Variants in RTEL1 observed in about 807,000 individuals in gnomAD.
RTEL1 encodes regulator of telomere elongation helicase 1, also known as regulator of telomere length.
Under a neutral mutation model 162.2 loss-of-function variants are expected in RTEL1, and 86 were observed. The observed-to-expected ratio is 0.53, with a 90% CI of 0.45 to 0.63. RTEL1 has a LOEUF of 0.63. Among genes scored for constraint, RTEL1 ranks in the 30% least tolerant of loss-of-function variants. The probability of loss-of-function intolerance (pLI) is 0.00; values close to 1 mark genes in which losing one functional copy is unlikely to be tolerated. For missense variants in RTEL1, 1,941 were observed against 1,750.2 expected, an observed-to-expected ratio of 1.11 and a Z score of -1.95; for synonymous variants, 958 against 717.9, an observed-to-expected ratio of 1.33 and a Z score of -5.35.
At chr20:63,669,152 G>A (rs1163213769) in intron 8 of RTEL1, among the ~76,000 whole-genome samples, 1 of 152,174 alleles carries the variant, frequency 6.6e-6, no homozygotes. Flanking sequence ...CTGGCCCTTG[G>A]TGATTGTTTT....
chr20:63,666,108 C>A (rs781338910), intron 7 of RTEL1, 29 bp downstream of exon 7: 1 of 1,585,422 alleles, frequency 6.3e-7, no homozygotes, highest in South Asian at 1.1e-5. Flanking sequence ...GCCACGACCA[C>A]TGTCCTTCCA....
At chr20:63,681,798 C>G in intron 14 of RTEL1, 2 of 985,372 alleles carry the variant, frequency 2.0e-6, no homozygotes, top group Non-Finnish European at 2.4e-6. Context: ...TGTGTCTTCT[C>G]TGTGCGGTAG....
At chr20:63,671,049 A>G (rs2090231316) in intron 8 of RTEL1, among the ~76,000 whole-genome samples, 1 of 152,088 alleles carries the variant, frequency 6.6e-6, no homozygotes, top group African/African-American at 2.4e-5. Flanking sequence ...AGGAGGACCT[A>G]CTGTTTTTTG....
Position 63,695,599 on chromosome 20 carries a change from CCCTG to C in RTEL1, c.3776_3779del (p.Ala1259ValfsTer104), listed in dbSNP as rs764058481. 1 of 1,611,964 alleles carries C rather than the reference CCCTG, an allele frequency of 6.2e-7. No homozygotes were observed. The highest frequency in any genetic ancestry group is 8.5e-7 in the Non-Finnish European group (1 of 1,179,906). ...CAGAGGACGTGGTGCCCTTCCAGTG[CCCTG>C]CCTGTGACTTCCAGCGCTGCCAAGC... On this transcript the variant is annotated frameshift_variant, in exon 34 of 35. Transcript: ENST00000360203. LOFTEE classifies it low-confidence loss of function (END_TRUNC).
rs778675789 is a variant in RTEL1, at chr20:63,672,619, G to A, written c.763G>A (p.Val255Met). 5.2e-5 allele frequency: 82 copies of A among 1,581,318 alleles called. No homozygotes were observed. Among genetic ancestry groups the A allele is most frequent in the Middle Eastern group, 1.7e-4 (1 of 6,036 alleles). ...TVVIFDEAHNVEKMCEESASF... is the reference protein window; with the variant it reads ...TVVIFDEAHNMEKMCEESASF... ...CGTGATCTTTGACGAAGCTCACAAC[G>A]TGGTGAGTCTCCGCTGGCCTCCTAA... Residue 255 changes from valine to methionine, a missense_variant and splice_region_variant, in exon 9 of 35, where the codon GTG becomes ATG. Val to Met is a conservative substitution (Grantham distance 21). Coordinates refer to ENST00000360203, the MANE Select transcript of RTEL1 (RefSeq NM_001283009.2).
chr20:63,662,183 G>A (rs2090033748), intron 4 of RTEL1, among the ~76,000 whole-genome samples: 1 of 152,198 alleles, frequency 6.6e-6, no homozygotes, highest in Non-Finnish European at 1.5e-5. Context: ...GGCGTCCTGA[G>A]CTCCTCGCAG....
chr20:63,685,725 A>G, intron 15 of RTEL1, 66 bp from the exon 16 acceptor site: 1 of 1,586,596 alleles, frequency 6.3e-7, no homozygotes, highest in South Asian at 1.1e-5. Context: ...TTCTGGTCCT[A>G]AAAGGTAAGG....
chr20:63,689,174 TC>T (rs1244975698), intron 22 of RTEL1, 42 bp downstream of exon 22: 1 of 1,577,644 alleles, frequency 6.3e-7, no homozygotes, highest in East Asian at 2.2e-5. Context: ...GGTTGCCTGT[TC>T]CCTGGTGGGT....
At chr20:63,660,550 C>T (rs1056260851) in intron 2 of RTEL1, 8 of 152,418 alleles carry the variant, frequency 5.2e-5, no homozygotes, top group African/African-American at 1.9e-4. Context: ...AAGGCTGGGG[C>T]AAAGTTACAG....
At chr20:63,669,609 C>T (rs2090207143) in intron 8 of RTEL1, among the ~76,000 whole-genome samples, 1 of 152,252 alleles carries the variant, frequency 6.6e-6, no homozygotes, top group Non-Finnish European at 1.5e-5. Flanking sequence ...AAACAACCCA[C>T]TTAACCACTG....
At position 63,688,042 on chromosome 20, in the gene RTEL1, T is replaced by A. The variant is rs2090636240; in HGVS notation, c.1587T>A (p.Phe529Leu). The A allele has an allele frequency of 4.3e-6, 7 of 1,612,690 alleles. No individual in the cohort carries two copies. The highest frequency in any genetic ancestry group is 5.9e-6 in the Non-Finnish European group (7 of 1,179,914). Residue 529 changes from phenylalanine (F) to leucine (L), a missense_variant, in exon 18 of 35, where the codon TTT becomes TTA. Transcript: ENST00000360203. ...GPDGAQLSSA[F>L]DRRFSEECLS... ...ATGGAGCCCAGTTGAGCTCCGCGTT[T>A]GACAGACGGTGAGGGCCTGTCCCTG...
intron 7 of RTEL1, among the ~76,000 whole-genome samples, chr20:63,666,297 C>T (rs779077134): frequency 9.2e-5 from 14 of 152,262 alleles, no homozygotes; most frequent in South Asian, 2.1e-4. Context: ...CGGTGGCCAC[C>T]GTGGAGTGTG....
At chr20:63,686,033 C>T in intron 16 of RTEL1, 161 bp downstream of exon 16, 4 of 676,050 alleles carry the variant, frequency 5.9e-6, no homozygotes, top group Non-Finnish European at 7.8e-6. Context: ...CTCACTGTCC[C>T]TCTGAAGATT....
chr20:63,685,424 C>A, intron 14 of RTEL1, 99 bp from the exon 15 acceptor site: 1 of 1,246,836 alleles, frequency 8.0e-7, no homozygotes, highest in Non-Finnish European at 1.1e-6. Flanking sequence ...GAACCGATGA[C>A]CCCTGGGTGT....
intron 26 of RTEL1, 42 bp downstream of exon 26, chr20:63,690,483 G>GGGT: frequency 7.8e-7 from 1 of 1,281,014 alleles, no homozygotes; most frequent in Non-Finnish European, 1.1e-6. Context: ...GGGGGTGGCG[G>GGGT]AGCGGGCGGC....
At position 63,661,867 on chromosome 20, in the gene RTEL1, C is replaced by T; in HGVS notation, c.319C>T (p.Pro107Ser). The T allele has an allele frequency of 6.2e-7, 1 of 1,614,042 alleles. No homozygotes were observed. Among genetic ancestry groups the T allele is most frequent in the Non-Finnish European group, 8.5e-7 (1 of 1,179,976 alleles). ...CTGGTCAGCTTGCTACACGGACATC[C>T]CAAAGATTATTTACGCCTCCAGGAC... ...GDPIACYTDI[P>S]KIIYASRTHS... Residue 107 changes from proline to serine, a missense_variant, in exon 4 of 35, where the codon CCA (proline) becomes TCA (serine). Coordinates refer to ENST00000360203, the MANE Select transcript of RTEL1 (RefSeq NM_001283009.2). This position sits in a 1 kb window ranked among gnomAD's most constrained non-coding sequence, Gnocchi z 5.1.
chr20:63,660,942 G>C (rs1298624970), intron 2 of RTEL1: 2 of 258,800 alleles, frequency 7.7e-6, no homozygotes, highest in Admixed American at 1.0e-4. Flanking sequence ...CTTGTATGTA[G>C]GACGTCAGAT....
intron 21 of RTEL1, 142 bp downstream of exon 21, chr20:63,688,747 C>G (rs1162704103): frequency 5.4e-6 from 4 of 736,164 alleles, no homozygotes; most frequent in East Asian, 5.4e-5. Flanking sequence ...CGTTTCCTTC[C>G]TGGCCCTGAG....
chr20:63,667,050 A>C (rs193026985), intron 7 of RTEL1, among the ~76,000 whole-genome samples: 1 of 149,342 alleles, frequency 6.7e-6, no homozygotes, highest in Non-Finnish European at 1.5e-5. Flanking sequence ...CGTGTTAGCC[A>C]GGATGGTCTC....
Sources: gnomAD v4.1 joint callset for allele counts (sites outside exome capture counted in the v4.1 genomes callset) on GRCh38, gnomAD v4.1.1 for gene constraint, Gnocchi (gnomAD v3.1) non-coding constraint, MANE v1.5 for transcripts, NCBI Gene and HGNC (gene_info 2026-07-23, HGNC 2026-07-21) for gene names.